Variants in CDH12 observed in about 807,000 individuals in gnomAD.
CDH12 encodes the protein cadherin 12, also known as cadherin-12.
Under a neutral mutation model 74.1 loss-of-function variants are expected in CDH12, and 41 were observed. The observed-to-expected ratio is 0.55, with a 90% CI of 0.43 to 0.72. CDH12 has a LOEUF of 0.72. CDH12 is among the 30% of genes least tolerant of loss of function. The pLI, the probability that CDH12 is intolerant of heterozygous loss-of-function variation, is 0.00. For synonymous variants in CDH12, 399 were observed against 355.0 expected, an observed-to-expected ratio of 1.12 and a Z score of -1.39; for missense variants, 945 against 977.2, an observed-to-expected ratio of 0.97 and a Z score of 0.44.
chr5:22,201,671 C>T (rs71578771), intron 4 of CDH12, among the ~76,000 whole-genome samples: 48,411 of 151,606 alleles, frequency 0.32, 8,126 homozygotes, highest in South Asian at 0.39. Context: ...TAAATATATA[C>T]AAAAAAATGG....
chr5:22,467,798 G>A (rs1356986010), intron 2 of CDH12, among the ~76,000 whole-genome samples: 1 of 152,098 alleles, frequency 6.6e-6, no homozygotes, highest in Non-Finnish European at 1.5e-5. Context: ...TTTTATCAAA[G>A]ATCACCAGAT....
intron 10 of CDH12, among the ~76,000 whole-genome samples, chr5:21,783,872 A>AC (rs1746055289): frequency 1.3e-5 from 2 of 152,166 alleles, no homozygotes; most frequent in Non-Finnish European, 2.9e-5. Context: ...AGCACTGGAA[A>AC]CAACTACAAA....
At chr5:22,703,792 G>A (rs1434976135) in intron 1 of CDH12, among the ~76,000 whole-genome samples, 1 of 152,052 alleles carries the variant, frequency 6.6e-6, no homozygotes, top group African/African-American at 2.4e-5. Context: ...TAAATAAAAT[G>A]TAATTTTAAT....
chr5:22,231,708 C>T (rs1483368184), intron 3 of CDH12, among the ~76,000 whole-genome samples: 1 of 151,850 alleles, frequency 6.6e-6, no homozygotes, highest in Non-Finnish European at 1.5e-5. Flanking sequence ...TAAAAATGAC[C>T]TCCAAATAAA....
Position 22,512,168 on chromosome 5 carries a change from G to A in CDH12, c.-522-6804C>T, listed in dbSNP as rs182301347. Among the ~76,000 whole-genome samples, 461 of 152,184 alleles carry A rather than the reference G, an allele frequency of 3.0e-3. 1 individual carries two copies. Among genetic ancestry groups the A allele is most frequent in the Non-Finnish European group, 4.8e-3 (329 of 67,992 alleles). On this transcript the variant is annotated intron_variant, in intron 1 of 14. Transcript: ENST00000382254. ...AGAAAATACAGTGAGCCAGAGTCAC[G>A]AACTTTAATAAAAGACAACACGAGG...
intron 4 of CDH12, among the ~76,000 whole-genome samples, chr5:22,121,104 A>G (rs762898960): frequency 2.0e-5 from 3 of 152,130 alleles, no homozygotes; most frequent in Non-Finnish European, 4.4e-5. Context: ...ATTCAGACTT[A>G]TATCTATATT....
At chr5:22,454,483 T>TC (rs35347923) in intron 2 of CDH12, among the ~76,000 whole-genome samples, 1 of 90,870 alleles carries the variant, frequency 1.1e-5, no homozygotes, top group Non-Finnish European at 2.8e-5. Context: ...CAGATTTTTC[T>TC]TTTTTTTTGA....
intron 6 of CDH12, among the ~76,000 whole-genome samples, chr5:21,958,508 A>G (rs1261413485): frequency 6.6e-6 from 1 of 152,190 alleles, no homozygotes; most frequent in Non-Finnish European, 1.5e-5. Context: ...AATCTTTTGC[A>G]TATGGCTAGT....
chr5:22,524,706 A>G (rs932750710), intron 1 of CDH12, among the ~76,000 whole-genome samples: 9 of 152,208 alleles, frequency 5.9e-5, no homozygotes, highest in Admixed American at 2.6e-4. Context: ...CTTCCATATC[A>G]GAGTGGGTTG....
intron 1 of CDH12, among the ~76,000 whole-genome samples, chr5:22,737,249 C>T (rs1744776939): frequency 6.6e-6 from 1 of 151,584 alleles, no homozygotes; most frequent in African/African-American, 2.4e-5. Context: ...TTTTGATTCC[C>T]CTATTTTCAC....
chr5:22,828,657 T>C (rs1448510918), intron 1 of CDH12, among the ~76,000 whole-genome samples: 2 of 152,100 alleles, frequency 1.3e-5, no homozygotes, highest in Non-Finnish European at 2.9e-5. Flanking sequence ...CAAGAGAAAG[T>C]TGTTTGGATT....
intron 5 of CDH12, among the ~76,000 whole-genome samples, chr5:21,977,708 A>G (rs1757129756): frequency 6.6e-6 from 1 of 152,186 alleles, no homozygotes; most frequent in Non-Finnish European, 1.5e-5. Flanking sequence ...ATTCAAGTTA[A>G]TTACTGCTGC....
chr5:21,773,473 G>A (rs1359013533), intron 11 of CDH12, among the ~76,000 whole-genome samples: 1 of 152,134 alleles, frequency 6.6e-6, no homozygotes, highest in African/African-American at 2.4e-5. Context: ...GATCCTTCCT[G>A]CCCTCGAACA....
At chr5:22,303,247 T>C (rs1737966647) in intron 3 of CDH12, among the ~76,000 whole-genome samples, 1 of 152,156 alleles carries the variant, frequency 6.6e-6, no homozygotes, top group African/African-American at 2.4e-5. Context: ...GTACTTAGTC[T>C]TTGTCAATAC....
chr5:22,072,476 A>G (rs1403057921), intron 5 of CDH12, among the ~76,000 whole-genome samples: 2 of 151,298 alleles, frequency 1.3e-5, no homozygotes, highest in East Asian at 3.9e-4. Context: ...GAATTCTTCC[A>G]TCTTTTGGAC....
At chr5:22,583,555 A>T (rs1276260085) in intron 1 of CDH12, among the ~76,000 whole-genome samples, 1 of 152,182 alleles carries the variant, frequency 6.6e-6, no homozygotes, top group Non-Finnish European at 1.5e-5. Flanking sequence ...GTCTTAATCA[A>T]TTTAGATATG....
intron 4 of CDH12, among the ~76,000 whole-genome samples, chr5:22,175,550 T>G (rs1431676029): frequency 6.6e-5 from 10 of 151,866 alleles, no homozygotes; most frequent in Admixed American, 6.6e-5. Flanking sequence ...CAGAAGGAAA[T>G]GTAAATTTTT....
At chr5:22,234,638 T>C (rs1752499292) in intron 3 of CDH12, among the ~76,000 whole-genome samples, 1 of 151,578 alleles carries the variant, frequency 6.6e-6, no homozygotes, top group Non-Finnish European at 1.5e-5. Context: ...TAGAGCTATA[T>C]CTATCCATAT....
At chr5:22,122,777 G>T (rs1006949843) in intron 4 of CDH12, among the ~76,000 whole-genome samples, 1 of 152,206 alleles carries the variant, frequency 6.6e-6, no homozygotes, top group African/African-American at 2.4e-5. Context: ...CAAAAAACCT[G>T]AGAAAGAAGA....
Sources: gnomAD v4.1 joint callset for allele counts (sites outside exome capture counted in the v4.1 genomes callset) on GRCh38, gnomAD v4.1.1 for gene constraint, MANE v1.5 for transcripts, NCBI Gene and HGNC (gene_info 2026-07-23, HGNC 2026-07-21) for gene names.